The following KIF17 variants were observed in gnomAD, a reference collection of about 807,000 sequenced individuals.
The protein encoded by KIF17 is kinesin family member 17, also known as kinesin-like protein KIF17.
Under a neutral mutation model 96.8 loss-of-function variants are expected in KIF17, and 80 were observed. That is an observed-to-expected ratio of 0.83 (90% CI 0.69 to 1.00). KIF17 has a LOEUF of 1.00. Among genes scored for constraint, KIF17 ranks in the 50% least tolerant of loss-of-function variants. KIF17 has a pLI of 0.00. For missense variants in KIF17, 1,280 were observed against 1,372.9 expected (o/e 0.93, Z 1.07); for synonymous variants, 567 against 587.5 (o/e 0.97, Z 0.51).
rs117696159 is a variant in KIF17 at position 20,664,101 on chromosome 1, A to G, written c.*483T>C. ...AGCCAGGGGTGGGCAGTGCAGGAAGACCTGCTGTGGGACCCCTGTGCCACC... is the reference window on the plus strand; with the variant it reads ...AGCCAGGGGTGGGCAGTGCAGGAAGGCCTGCTGTGGGACCCCTGTGCCACC... On this transcript the variant is annotated 3_prime_UTR_variant, in exon 15 of 15. Coordinates refer to ENST00000400463, the MANE Select transcript of KIF17 (RefSeq NM_001122819.3). 65 of 230,188 alleles carry G rather than the reference A, an allele frequency of 2.8e-4. No individual in the cohort carries two copies. In the East Asian group the frequency reaches 6.4e-3, roughly 23 times the overall value. 14.3% of individuals were successfully genotyped at this position (230,188 alleles called of 1,614,324 possible).
rs535180343 is a variant in KIF17 at position 20,682,642 on chromosome 1, C to T, written c.2463+11G>A. 6.2e-7 allele frequency: 1 copy of T among 1,613,206 alleles called. No individual in the cohort carries two copies. The highest frequency in any genetic ancestry group is 2.2e-5 in the East Asian group (1 of 44,888). ...GGCAGCTGGGCATGGGGGGCTGCAT[C>T]TGGGCCTCACCTTCCTCTGCATCTT... On this transcript the variant is annotated intron_variant, in intron 11 of 14. Transcript: ENST00000400463.
rs769611890 is a variant in KIF17 at position 20,709,557 on chromosome 1, C to A, written c.670+82G>T. On this transcript the variant is annotated intron_variant, in intron 4 of 14. Coordinates refer to ENST00000400463, the MANE Select transcript of KIF17 (RefSeq NM_001122819.3). This position sits in a 1 kb window ranked among gnomAD's most constrained non-coding sequence, Gnocchi z 4.7. ...TCTTCCCACTTTCCAGGGGCTCCTGCGGCCCCGAGAGGTGGCGTGCCTTGG... is the reference window on the plus strand; with the variant it reads ...TCTTCCCACTTTCCAGGGGCTCCTGAGGCCCCGAGAGGTGGCGTGCCTTGG... 3.3e-6 allele frequency: 5 copies of A among 1,493,502 alleles called. No individual in the cohort carries two copies. The Admixed American group carries it at 5.0e-5, about 15-fold the overall frequency. 92.5% of individuals were successfully genotyped at this position (1,493,502 alleles called of 1,614,324 possible).
rs2054312919 is a variant in KIF17, at chr1:20,704,787, G to C, written c.783C>G (p.Thr261=). ...GATGERLKEA[T]KINLSLSALG... ...GTGCCGAGAGCGACAGGTTGATCTT[G>C]GTGGCCTCCTTGAGCCGCTCGCCCG... The change falls in exon 5 of 15, where the codon ACC becomes ACG. Residue 261 remains threonine (T), a synonymous_variant. Transcript: ENST00000400463. The surrounding 1 kb of genome is among the most constrained non-coding windows in gnomAD (Gnocchi z 6.8). The C allele has an allele frequency of 6.2e-7, 1 of 1,610,766 alleles. No homozygotes were observed. The highest frequency in any genetic ancestry group is 1.3e-5 in the African/African-American group (1 of 74,918).
chr1:20,672,281 G>A lies in KIF17; in HGVS notation c.2464-85C>T. On this transcript the variant is annotated intron_variant, in intron 11 of 14. Coordinates refer to ENST00000400463, the MANE Select transcript of KIF17 (RefSeq NM_001122819.3). The surrounding 1 kb of genome is among the most constrained non-coding windows in gnomAD (Gnocchi z 4.3). The stretch of plus-strand genomic sequence containing the variant: ...ACCCTGTCCACTCACTGTCCTGCCA[G>A]CAGCCACGCATCGTCTGTTCATTGG... The A allele has an allele frequency of 6.5e-7, 1 of 1,542,110 alleles. No individual in the cohort carries two copies. Among genetic ancestry groups the A allele is most frequent in the East Asian group, 2.3e-5 (1 of 42,980 alleles).
intron 2 of KIF17, among the ~76,000 whole-genome samples, chr1:20,715,061 C>T (rs1477885922): frequency 6.6e-6 from 1 of 152,150 alleles, no homozygotes; most frequent in Non-Finnish European, 1.5e-5. Flanking sequence ...TCAACTTGGC[C>T]AATAAAGGCT....
Position 20,685,025 on chromosome 1 carries a change from G to C in KIF17, c.2020-5C>G. Reference sequence around the variant, plus strand: ...TTCCGAGGCCAGATCTACCTCCTGAGTGTGAAGAGAAACCCAGGTGGAGGT... The same window carrying C: ...TTCCGAGGCCAGATCTACCTCCTGACTGTGAAGAGAAACCCAGGTGGAGGT... On this transcript the variant is annotated splice_region_variant and splice_polypyrimidine_tract_variant and intron_variant, in intron 9 of 14. Transcript: ENST00000400463. This position sits in a 1 kb window ranked among gnomAD's most constrained non-coding sequence, Gnocchi z 4.1. 1 of 1,582,674 alleles carries C rather than the reference G, an allele frequency of 6.3e-7. No homozygotes were observed. The highest frequency in any genetic ancestry group is 1.7e-4 in the Middle Eastern group (1 of 6,034).
Position 20,690,352 on chromosome 1 carries a change from G to GGGGGGGCCCC in KIF17, c.1234-18_1234-17insGGGGCCCCCC. On this transcript the variant is annotated splice_polypyrimidine_tract_variant and intron_variant, in intron 6 of 14. Transcript: ENST00000400463. ...TTCATACTCCTGGGGGGGTGGGAGG[G>GGGGGGGCCCC]ACCAGAGGGCAGGCAGCATTTTATC... 6.6e-6 allele frequency: 3 copies of GGGGGGGCCCC among 451,168 alleles called. No homozygotes were observed. The highest frequency in any genetic ancestry group is 1.3e-5 in the Non-Finnish European group (3 of 235,146). The allele number at this position is 451,168 out of a possible 1,614,324, so 27.9% of individuals were successfully genotyped here.
In KIF17 at chr1:20,713,378, A is replaced by G; in HGVS notation, c.480+76T>C. ...GCCGGCACCCTCAGGACACTTTCCC[A>G]TATTTCTGAGGGAGCAGCACCAATG... On this transcript the variant is annotated intron_variant, in intron 3 of 14. Coordinates refer to ENST00000400463, the MANE Select transcript of KIF17 (RefSeq NM_001122819.3). The G allele has an allele frequency of 3.7e-6, 4 of 1,079,026 alleles. No homozygotes were observed. In the Admixed American group the frequency reaches 5.3e-5, roughly 14 times the overall value. 66.8% of individuals were successfully genotyped at this position (1,079,026 alleles called of 1,614,324 possible).
At position 20,704,571 on chromosome 1, in the gene KIF17, C is replaced by T. The variant is rs773659622; in HGVS notation, c.999G>A (p.Lys333=). 1.9e-6 allele frequency: 3 copies of T among 1,614,194 alleles called. No homozygotes were observed. Residue 333 remains lysine, a synonymous_variant, in exon 5 of 15, where the codon AAG becomes AAA. Coordinates refer to ENST00000400463, the MANE Select transcript of KIF17 (RefSeq NM_001122819.3). The surrounding 1 kb of genome is among the most constrained non-coding windows in gnomAD (Gnocchi z 6.8). ...TGATGCGCGGCTTGTTCCTGATGTT[C>T]TTGGCCCGGTTGGCGTAGCGCAGCG... ...LSTLRYANRA[K]NIRNKPRINE...
chr1:20,705,933 G>T (rs2054334272), intron 4 of KIF17, among the ~76,000 whole-genome samples: 1 of 123,430 alleles, frequency 8.1e-6, no homozygotes, highest in Admixed American at 1.0e-4. Context: ...CTTTGGGACA[G>T]GGTCTCACTC....
In KIF17 at chr1:20,704,512, T is replaced by C; in HGVS notation, c.1058A>G (p.Tyr353Cys). The change falls in exon 5 of 15, where the codon TAC becomes TGC. Residue 353 changes from tyrosine (Y) to cysteine (C), a missense_variant. Coordinates refer to ENST00000400463, the MANE Select transcript of KIF17 (RefSeq NM_001122819.3). This position sits in a 1 kb window ranked among gnomAD's most constrained non-coding sequence, Gnocchi z 6.8. Reference protein sequence around the residue: ...EDPKDALLREYQEEIKKLKAI... With the variant: ...EDPKDALLRECQEEIKKLKAI... ...CTTGAGCTTCTTGATCTCCTCCTGG[T>C]ACTCGCGAAGCAGCGCATCCTTGGG... 1 of 1,614,240 alleles carries C rather than the reference T, an allele frequency of 6.2e-7. No individual in the cohort carries two copies. The highest frequency in any genetic ancestry group is 1.1e-5 in the South Asian group (1 of 91,084).
intron 11 of KIF17, among the ~76,000 whole-genome samples, chr1:20,675,015 G>A (rs761471166): frequency 2.0e-5 from 3 of 152,022 alleles, no homozygotes; most frequent in Admixed American, 6.6e-5. Context: ...GCCGGACATG[G>A]TGGCATGTGC....
intron 6 of KIF17, among the ~76,000 whole-genome samples, chr1:20,696,396 T>C (rs532321356): frequency 2.6e-5 from 4 of 152,250 alleles, no homozygotes; most frequent in African/African-American, 9.6e-5. Context: ...CAACGCTTCC[T>C]CCAAGCATGG....
intron 14 of KIF17, among the ~76,000 whole-genome samples, chr1:20,665,145 CAATT>C (rs1214082181): frequency 1.4e-5 from 2 of 139,436 alleles, no homozygotes; most frequent in African/African-American, 5.5e-5. Context: ...GCCAGGCACT[CAATT>C]AATCCTATTC....
chr1:20,704,873 C>G lies in KIF17; in HGVS notation c.697G>C (p.Ala233Pro). Reference protein sequence around the residue: ...VDERGKDHLRAGKLNLVDLAG... With the variant: ...VDERGKDHLRPGKLNLVDLAG... ...AGGTCCACCAGGTTCAGCTTGCCCG[C>G]CCGGAGGTGGTCCTTGCCCCGCTCA... The change falls in exon 5 of 15, where the codon GCG becomes CCG. Residue 233 changes from alanine to proline, a missense_variant. By Grantham distance (27) the Ala-to-Pro change is conservative. Coordinates refer to ENST00000400463, the MANE Select transcript of KIF17 (RefSeq NM_001122819.3). This position sits in a 1 kb window ranked among gnomAD's most constrained non-coding sequence, Gnocchi z 6.8. 6.2e-7 allele frequency: 1 copy of G among 1,601,566 alleles called. No individual in the cohort carries two copies. The highest frequency in any genetic ancestry group is 1.1e-5 in the South Asian group (1 of 91,078).
chr1:20,683,958 G>T (rs1172324919), intron 10 of KIF17, among the ~76,000 whole-genome samples: 1 of 151,792 alleles, frequency 6.6e-6, no homozygotes, highest in Non-Finnish European at 1.5e-5. Flanking sequence ...AAACAGCCAG[G>T]ACATGTGCCA....
chr1:20,670,198 C>T (rs2053615772), intron 13 of KIF17, among the ~76,000 whole-genome samples: 1 of 152,116 alleles, frequency 6.6e-6, no homozygotes, highest in South Asian at 2.1e-4. Context: ...TCTACTTTCC[C>T]TTGGTATTTA....
rs2054013015 is a variant in KIF17 at position 20,690,206 on chromosome 1, T to G, written c.1363A>C (p.Asn455His). The G allele has an allele frequency of 3.1e-6, 5 of 1,613,944 alleles. No homozygotes were observed. In the African/African-American group the frequency reaches 5.3e-5, roughly 17 times the overall value. ...YDVRLSTLEE[N>H]LRKETEAVLQ... ...TGCCCACCTGTCTCCTTCCGCAGGT[T>G]CTCCTCCAGCGTGGACAGCCTGACG... The change falls in exon 7 of 15, where the codon AAC becomes CAC. Residue 455 changes from asparagine to histidine, a missense_variant. Transcript: ENST00000400463.
At chr1:20,717,432 C>T (rs756814772) in intron 1 of KIF17, 44 bp downstream of exon 1, 2 of 1,604,662 alleles carry the variant, frequency 1.2e-6, no homozygotes, top group South Asian at 1.1e-5. Context: ...TCGGGGCGGC[C>T]TCATGCCCTG....
Sources: allele counts gnomAD v4.1 joint callset (sites outside exome capture counted in the v4.1 genomes callset), GRCh38; gene constraint gnomAD v4.1.1; non-coding constraint Gnocchi (gnomAD v3.1); transcripts MANE v1.5; gene names NCBI Gene and HGNC (gene_info 2026-07-23, HGNC 2026-07-21).